EVC: variants seen among roughly 807,000 people sequenced by gnomAD.
The protein encoded by EVC is evC complex member EVC.
Under a neutral mutation model 118.9 loss-of-function variants are expected in EVC, and 116 were observed. That is an observed-to-expected ratio of 0.98 (90% CI 0.84 to 1.14). EVC has a LOEUF of 1.14. Among genes scored for constraint, EVC ranks in the 50% most tolerant of loss-of-function variants. The pLI, the probability that EVC is intolerant of heterozygous loss-of-function variation, is 0.00. For synonymous variants in EVC, 619 were observed against 534.7 expected (o/e 1.16, Z -2.18); for missense variants, 1,401 against 1,246.4 (o/e 1.12, Z -1.87).
the EVC span, among the ~76,000 whole-genome samples, chr4:5,820,393 G>A: frequency 1.6e-4 from 24 of 152,004 alleles, no homozygotes; most frequent in Non-Finnish European, 2.9e-4. Flanking sequence ...GTTTTTATCC[G>A]TCCTTTAGTG....
At chr4:5,779,206 G>C (rs917862264) in intron 11 of EVC, among the ~76,000 whole-genome samples, 20 of 151,912 alleles carry the variant, frequency 1.3e-4, no homozygotes, top group African/African-American at 4.1e-4. Context: ...CTATATCTCT[G>C]TTTTGGTACC....
chr4:5,730,833 G>A (rs1258329153), intron 3 of EVC, among the ~76,000 whole-genome samples: 2 of 152,112 alleles, frequency 1.3e-5, no homozygotes, highest in Non-Finnish European at 2.9e-5. Context: ...ACTGTGGCTC[G>A]GGCAGCCAGA....
chr4:5,776,442 G>A (rs1284880583), intron 11 of EVC, among the ~76,000 whole-genome samples: 1 of 151,978 alleles, frequency 6.6e-6, no homozygotes, highest in African/African-American at 2.4e-5. Context: ...CAAGGTCATG[G>A]GCACTGGAAC....
At chr4:5,740,492 AAG>A (rs1453388197) in intron 5 of EVC, among the ~76,000 whole-genome samples, 8 of 151,708 alleles carry the variant, frequency 5.3e-5, no homozygotes, top group South Asian at 2.1e-4. Flanking sequence ...AAAAAAGAAA[AAG>A]AAAAAATATA....
At chr4:5,775,844 GTTGA>G (rs1171215413) in intron 11 of EVC, among the ~76,000 whole-genome samples, 2 of 152,136 alleles carry the variant, frequency 1.3e-5, no homozygotes, top group South Asian at 4.1e-4. Context: ...TCATATAGTT[GTTGA>G]TTAAGATTTG....
chr4:5,713,916 A>G (rs1289129691), intron 1 of EVC, among the ~76,000 whole-genome samples: 4 of 152,098 alleles, frequency 2.6e-5, no homozygotes, highest in African/African-American at 9.7e-5. Flanking sequence ...AAATAAATAA[A>G]TAAATAAAGA....
intron 1 of EVC, among the ~76,000 whole-genome samples, chr4:5,718,548 ATGTT>A (rs1245242605): frequency 2.6e-5 from 4 of 151,982 alleles, no homozygotes; most frequent in Non-Finnish European, 5.9e-5. Context: ...TATGAAAAGG[ATGTT>A]TGTTTACAGC....
At chr4:5,773,628 G>T (rs575480398) in intron 11 of EVC, among the ~76,000 whole-genome samples, 1 of 152,106 alleles carries the variant, frequency 6.6e-6, no homozygotes, top group African/African-American at 2.4e-5. Flanking sequence ...TGAGCTGCCG[G>T]GGTGTTTTGT....
Position 5,749,866 on chromosome 4 carries a change from C to G in EVC, c.1098+1560C>G, listed in dbSNP as rs1446612183. ...TCCCCTTGCACACCACATGCCTCTC[C>G]CAATCCGCTCTGCTCCTCCAGGTGT... On this transcript the variant is annotated intron_variant, in intron 8 of 20. Transcript: ENST00000264956. This position sits in a 1 kb window ranked among gnomAD's most constrained non-coding sequence, Gnocchi z 4.4. Among the ~76,000 whole-genome samples the G allele has an allele frequency of 2.0e-5, 3 of 152,146 alleles. No homozygotes were observed. In the East Asian group the frequency reaches 5.8e-4, roughly 29 times the overall value.
At chr4:5,722,703 A>G (rs540652659) in intron 2 of EVC, among the ~76,000 whole-genome samples, 1 of 152,288 alleles carries the variant, frequency 6.6e-6, no homozygotes, top group Admixed American at 6.5e-5. Flanking sequence ...GCATTTATGC[A>G]TTCTCTGAAA....
At chr4:5,753,668 CA>C in intron 9 of EVC, 116 bp from the exon 10 acceptor site, 1 of 1,352,426 alleles carries the variant, frequency 7.4e-7, no homozygotes, top group Non-Finnish European at 1.1e-6. Context: ...GGGCGGGCAC[CA>C]TCTCTGCAGC....
chr4:5,799,644 A>T (rs1360994140), intron 15 of EVC, among the ~76,000 whole-genome samples: 1 of 152,184 alleles, frequency 6.6e-6, no homozygotes, highest in African/African-American at 2.4e-5. Flanking sequence ...GCTGGGAGAC[A>T]GCAGCAGGTT....
intron 2 of EVC, among the ~76,000 whole-genome samples, chr4:5,724,888 A>C (rs1269663746): frequency 6.6e-6 from 1 of 151,664 alleles, no homozygotes. Flanking sequence ...CTCGCCCCCG[A>C]CAGGCCCCAG....
intron 11 of EVC, among the ~76,000 whole-genome samples, chr4:5,772,463 A>G (rs1341906454): frequency 6.6e-6 from 1 of 152,012 alleles, no homozygotes; most frequent in Non-Finnish European, 1.5e-5. Flanking sequence ...ATTCTTGGCT[A>G]CCTTCCTTTT....
intron 12 of EVC, among the ~76,000 whole-genome samples, chr4:5,791,411 A>C (rs1206406760): frequency 6.6e-6 from 1 of 152,202 alleles, no homozygotes; most frequent in African/African-American, 2.4e-5. Flanking sequence ...GCAAAGGAAC[A>C]TTGATGATTC....
Position 5,731,284 on chromosome 4 carries a change from T to C in EVC, c.385-141T>C, listed in dbSNP as rs1267018421. On this transcript the variant is annotated intron_variant, in intron 3 of 20. Transcript: ENST00000264956. The surrounding 1 kb of genome is among the most constrained non-coding windows in gnomAD (Gnocchi z 5.6). ...AGAACCTGGGACGGAAACTCTGTGG[T>C]GTCTGCTGGCACCCTGGCCAGTCTC... is the stretch of plus-strand genomic sequence containing the variant. The C allele has an allele frequency of 2.2e-5, 17 of 778,448 alleles. No homozygotes were observed. Among genetic ancestry groups the C allele is most frequent in the Non-Finnish European group, 3.2e-5 (14 of 432,956 alleles). The allele number at this position is 778,448 out of a possible 1,614,324, so 48.2% of individuals were successfully genotyped here.
intron 17 of EVC, among the ~76,000 whole-genome samples, chr4:5,806,596 A>G (rs1338404916): frequency 6.6e-6 from 1 of 152,108 alleles, no homozygotes; most frequent in African/African-American, 2.4e-5. Flanking sequence ...TCCTCCATTG[A>G]TGGACACTTA....
At chr4:5,790,180 CAA>C (rs35158259) in intron 12 of EVC, among the ~76,000 whole-genome samples, 79 of 112,212 alleles carry the variant, frequency 7.0e-4, no homozygotes, top group Non-Finnish European at 1.0e-3. Context: ...GACTCCATCT[CAA>C]AAAAAAAAAA....
rs577907086 is a variant in EVC, at chr4:5,738,898, C to T, written c.703-2818C>T. Among the ~76,000 whole-genome samples the T allele has an allele frequency of 2.0e-5, 3 of 152,216 alleles. No homozygotes were observed. Among genetic ancestry groups the T allele is most frequent in the African/African-American group, 7.2e-5 (3 of 41,528 alleles). Reference sequence around the variant, plus strand: ...TTTTTTTTAATAATCATCTTAGGCTCAGATGATCATTAGCATTTTTTAGGA... The same window carrying T: ...TTTTTTTTAATAATCATCTTAGGCTTAGATGATCATTAGCATTTTTTAGGA... On this transcript the variant is annotated intron_variant, in intron 5 of 20. Coordinates refer to ENST00000264956, the MANE Select transcript of EVC (RefSeq NM_153717.3). This position sits in a 1 kb window ranked among gnomAD's most constrained non-coding sequence, Gnocchi z 6.5.
Sources: allele counts gnomAD v4.1 joint callset (sites outside exome capture counted in the v4.1 genomes callset), GRCh38; gene constraint gnomAD v4.1.1; non-coding constraint Gnocchi (gnomAD v3.1); transcripts MANE v1.5; gene names NCBI Gene and HGNC (gene_info 2026-07-23, HGNC 2026-07-21).